Variants in RMP64 observed in about 807,000 individuals in gnomAD.
RMP64 encodes nucleolus and neural progenitor protein.
the RMP64 span, among the ~76,000 whole-genome samples, chr3:113,017,844 T>C: frequency 6.6e-6 from 1 of 152,230 alleles, no homozygotes; most frequent in Non-Finnish European, 1.5e-5. Context: ...AGCTGTATCT[T>C]TGCATTGCAT....
At chr3:113,008,118 C>T in the RMP64 span, 370 of 1,532,954 alleles carry the variant, frequency 2.4e-4, 4 homozygotes, top group East Asian at 8.3e-3. Context: ...AATACTTTTA[C>T]TCATAACAAC....
At chr3:113,004,640 ACAT>A in the RMP64 span, 1 of 152,220 alleles carries the variant, frequency 6.6e-6, no homozygotes, top group African/African-American at 2.4e-5. Flanking sequence ...CTCAAACTTC[ACAT>A]CATTATTTGA....
chr3:113,019,544 AGGGCCGCGCCGGG>A, the RMP64 span: 2 of 1,612,396 alleles, frequency 1.2e-6, no homozygotes, highest in East Asian at 4.5e-5. Context: ...TCACTCACCA[AGGGCCGCGCCGGG>A]GTTCTGCACT....
the RMP64 span, chr3:113,011,632 G>A: frequency 3.9e-5 from 14 of 354,554 alleles, no homozygotes; most frequent in African/African-American, 2.5e-4. Context: ...TACCAGGAAA[G>A]ATATATATAT....
At chr3:113,012,587 C>A in the RMP64 span, 599 of 509,394 alleles carry the variant, frequency 1.2e-3, 3 homozygotes, top group Non-Finnish European at 4.3e-4. Flanking sequence ...TCCCAATCTA[C>A]CCTCAAAAAA....
chr3:113,019,453 C>T, the RMP64 span: 3 of 1,115,432 alleles, frequency 2.7e-6, no homozygotes, highest in Non-Finnish European at 3.9e-6. Context: ...GCCGGGAAGT[C>T]CCGGTACCAC....
chr3:113,011,415 A>C, the RMP64 span: 3 of 1,544,252 alleles, frequency 1.9e-6, no homozygotes, highest in Non-Finnish European at 1.7e-6. Flanking sequence ...CCCTAGAGAA[A>C]GAAATAGGAG....
the RMP64 span, chr3:113,017,492 G>C: frequency 1.2e-6 from 2 of 1,614,008 alleles, no homozygotes; most frequent in African/African-American, 2.7e-5. Flanking sequence ...ATTCTGTTGT[G>C]ATTGCTGTAA....
At chr3:113,003,738 A>G in the RMP64 span, 3 of 152,218 alleles carry the variant, frequency 2.0e-5, no homozygotes, top group Non-Finnish European at 2.9e-5. Flanking sequence ...AGTTTATTTC[A>G]GCTATAAAAG....
the RMP64 span, chr3:113,010,936 G>T: frequency 9.8e-7 from 1 of 1,022,416 alleles, no homozygotes; most frequent in Non-Finnish European, 1.4e-6. Context: ...AAATTAAGAT[G>T]TGAGATGTTG....
chr3:113,005,927 T>C, the RMP64 span: 1 of 1,613,924 alleles, frequency 6.2e-7, no homozygotes. Flanking sequence ...CAGATGATGC[T>C]TTGAAGTTTT....
chr3:113,014,958 T>C, the RMP64 span: 1 of 152,218 alleles, frequency 6.6e-6, no homozygotes, highest in East Asian at 1.9e-4. Flanking sequence ...ACTTGAAAAC[T>C]GAAAAAGATA....
At chr3:113,013,220 T>G in the RMP64 span, 2 of 1,587,322 alleles carry the variant, frequency 1.3e-6, no homozygotes, top group Non-Finnish European at 1.7e-6. Flanking sequence ...GTTAAAAATA[T>G]CCAAACAATT....
chr3:113,004,438 G>A, the RMP64 span: 3 of 152,202 alleles, frequency 2.0e-5, no homozygotes, highest in African/African-American at 7.2e-5. Context: ...GACAGGGAAA[G>A]AACAAAGCCA....
chr3:113,006,946 T>A, the RMP64 span, among the ~76,000 whole-genome samples: 5 of 152,166 alleles, frequency 3.3e-5, no homozygotes, highest in Admixed American at 1.3e-4. Flanking sequence ...TTATAAAGTT[T>A]ACTACAAATA....
chr3:113,010,476 T>C, the RMP64 span: 1 of 597,302 alleles, frequency 1.7e-6, no homozygotes, highest in East Asian at 2.8e-5. Context: ...CTAGATGTAT[T>C]AAAAATCCCT....
At chr3:113,005,914 T>A in the RMP64 span, 1 of 1,613,886 alleles carries the variant, frequency 6.2e-7, no homozygotes, top group Non-Finnish European at 8.5e-7. Context: ...ATCTTCTCTG[T>A]CTCAGATGAT....
At chr3:113,019,192 C>G in the RMP64 span, 1 of 300,816 alleles carries the variant, frequency 3.3e-6, no homozygotes, top group Non-Finnish European at 6.2e-6. Flanking sequence ...GAAGGGTAAA[C>G]AAGACTCCGA....
chr3:113,010,453 TTAAC>T, the RMP64 span: 1 of 566,054 alleles, frequency 1.8e-6, no homozygotes, highest in South Asian at 2.3e-5. Context: ...AGGTACTCTA[TTAAC>T]TGAATTAACT....
Sources: allele counts gnomAD v4.1 joint callset (sites outside exome capture counted in the v4.1 genomes callset), GRCh38; gene constraint gnomAD v4.1.1; transcripts MANE v1.5; gene names NCBI Gene and HGNC (gene_info 2026-07-23, HGNC 2026-07-21).